The following MECOM variants were observed in gnomAD, a reference collection of about 807,000 sequenced individuals.
The protein encoded by MECOM is histone-lysine N-methyltransferase MECOM.
Under a neutral mutation model 116.3 loss-of-function variants are expected in MECOM, and 13 were observed. The observed-to-expected ratio is 0.11, with a 90% CI of 0.07 to 0.18. The LOEUF (loss-of-function observed/expected upper bound fraction) is 0.18, where lower values mean the gene tolerates loss of function less well. Ranked by LOEUF, MECOM falls within the 10% of genes least tolerant of loss-of-function variation. MECOM has a pLI of 1.00. For synonymous variants in MECOM, 528 were observed against 535.2 expected, an observed-to-expected ratio of 0.99 and a Z score of 0.19; for missense variants, 1,299 against 1,509.0, an observed-to-expected ratio of 0.86 and a Z score of 2.31.
At chr3:169,573,553 T>C (rs1764162972) in intron 1 of MECOM, among the ~76,000 whole-genome samples, 1 of 152,252 alleles carries the variant, frequency 6.6e-6, no homozygotes, top group South Asian at 2.1e-4. Context: ...TTTTTTCTTT[T>C]CCTTGTAGCC....
intron 1 of MECOM, among the ~76,000 whole-genome samples, chr3:169,565,575 A>G (rs1763139933): frequency 6.6e-6 from 1 of 152,170 alleles, no homozygotes; most frequent in African/African-American, 2.4e-5. Context: ...CTGCCCAGCC[A>G]TGGCTTCCAT....
intron 12 of MECOM, among the ~76,000 whole-genome samples, chr3:169,095,495 G>C (rs1254224675): frequency 1.3e-5 from 2 of 152,028 alleles, no homozygotes; most frequent in African/African-American, 2.4e-5. Context: ...TCATTAATCA[G>C]TACCAATATT....
intron 2 of MECOM, among the ~76,000 whole-genome samples, chr3:169,242,901 A>G (rs528480622): frequency 2.1e-5 from 3 of 145,594 alleles, no homozygotes; most frequent in East Asian, 4.0e-4. Flanking sequence ...TTTGCCCCCT[A>G]TAATAATCCC....
At chr3:169,274,900 A>C (rs1044622424) in intron 2 of MECOM, among the ~76,000 whole-genome samples, 1 of 152,200 alleles carries the variant, frequency 6.6e-6, no homozygotes, top group Non-Finnish European at 1.5e-5. Flanking sequence ...GATATAAAAT[A>C]TAAACTAAAA....
chr3:169,147,787 T>C, intron 2 of MECOM: 1 of 721,482 alleles, frequency 1.4e-6, no homozygotes, highest in Non-Finnish European at 1.6e-6. Flanking sequence ...AGATGGGGGA[T>C]GGGAGGGATG....
intron 2 of MECOM, among the ~76,000 whole-genome samples, chr3:169,160,023 T>C (rs544973693): frequency 2.0e-5 from 3 of 152,350 alleles, no homozygotes; most frequent in African/African-American, 7.2e-5. Flanking sequence ...GTACTTCCTA[T>C]GCAAATGCCC....
intron 2 of MECOM, among the ~76,000 whole-genome samples, chr3:169,293,342 T>C (rs1047571678): frequency 6.6e-6 from 1 of 152,218 alleles, no homozygotes; most frequent in Middle Eastern, 3.2e-3. Flanking sequence ...ACCATGGCCT[T>C]TGAGGCCCTT....
At position 169,607,118 on chromosome 3, in the gene MECOM, G is replaced by A. The variant is rs182503809; in HGVS notation, c.37+56218C>T. On this transcript the variant is annotated intron_variant, in intron 1 of 16. Transcript: ENST00000651503. ...AAGTTTTAATTTTTTAGATACTTACGGAGGCAATATAATATCTTTATAAAT... is the reference window on the plus strand; with the variant it reads ...AAGTTTTAATTTTTTAGATACTTACAGAGGCAATATAATATCTTTATAAAT... Among the ~76,000 whole-genome samples the A allele has an allele frequency of 9.9e-5, 15 of 152,244 alleles. No individual in the cohort carries two copies. In the East Asian group the frequency reaches 1.5e-3, roughly 16 times the overall value.
At chr3:169,594,967 G>C (rs4955571) in intron 1 of MECOM, among the ~76,000 whole-genome samples, 107,056 of 151,012 alleles carry the variant, frequency 0.71, 38,121 homozygotes, top group East Asian at 0.83. Context: ...AGTGAGAACT[G>C]TTTCTTTTAA....
In MECOM at chr3:169,249,928, T is replaced by TA. The variant is rs1324095287; in HGVS notation, c.376-106097dup. 3.9e-5 allele frequency among the ~76,000 whole-genome samples: 6 copies of TA among 152,350 alleles called. No individual in the cohort carries two copies. The East Asian group carries it at 1.2e-3, about 29-fold the overall frequency. On this transcript the variant is annotated intron_variant, in intron 2 of 16. Transcript: ENST00000651503. Reference sequence around the variant, plus strand: ...GCAGAAGCTGTTTCAGAATCTTTTTTAAATACAAGGAAACGTTGTGAGCAG... The same window carrying TA: ...GCAGAAGCTGTTTCAGAATCTTTTTTAAAATACAAGGAAACGTTGTGAGCAG...
At chr3:169,445,453 A>C (rs760770438) in intron 1 of MECOM, among the ~76,000 whole-genome samples, 128 of 152,344 alleles carry the variant, frequency 8.4e-4, no homozygotes, top group Admixed American at 1.2e-3. Flanking sequence ...AGTACACAGA[A>C]GTTACGAATT....
At chr3:169,486,014 ATATG>A (rs1189880394) in intron 1 of MECOM, among the ~76,000 whole-genome samples, 2 of 127,950 alleles carry the variant, frequency 1.6e-5, no homozygotes, top group African/African-American at 6.3e-5. Flanking sequence ...TACTATATAT[ATATG>A]TATATATAGT....
chr3:169,515,992 C>T (rs1050449264), intron 1 of MECOM, among the ~76,000 whole-genome samples: 1 of 152,166 alleles, frequency 6.6e-6, no homozygotes, highest in Non-Finnish European at 1.5e-5. Flanking sequence ...TAACTTCCTT[C>T]TTCCCAAAAT....
intron 1 of MECOM, among the ~76,000 whole-genome samples, chr3:169,415,377 A>G (rs1022004235): frequency 1.3e-5 from 2 of 152,228 alleles, no homozygotes; most frequent in Non-Finnish European, 2.9e-5. Context: ...AGCGCTCCTG[A>G]AGGAAGCACT....
intron 1 of MECOM, among the ~76,000 whole-genome samples, chr3:169,641,366 C>T (rs931904683): frequency 2.6e-5 from 4 of 152,282 alleles, no homozygotes; most frequent in South Asian, 2.1e-4. Context: ...GGTAGGTCAG[C>T]GCTTCTGTGA....
At chr3:169,195,706 C>T (rs551529280) in intron 2 of MECOM, among the ~76,000 whole-genome samples, 2 of 152,014 alleles carry the variant, frequency 1.3e-5, no homozygotes, top group Admixed American at 1.3e-4. Flanking sequence ...GAGGTAAAAG[C>T]TAAAGATGCA....
At chr3:169,645,653 T>C (rs556145518) in intron 1 of MECOM, among the ~76,000 whole-genome samples, 1 of 152,322 alleles carries the variant, frequency 6.6e-6, no homozygotes, top group African/African-American at 2.4e-5. Flanking sequence ...CTATTGCGGC[T>C]ACAAAGGCCA....
At chr3:169,456,789 G>A (rs994698054) in intron 1 of MECOM, among the ~76,000 whole-genome samples, 1 of 152,098 alleles carries the variant, frequency 6.6e-6, no homozygotes, top group Non-Finnish European at 1.5e-5. Flanking sequence ...ATAATACTAC[G>A]CACTGAAAGT....
chr3:169,196,052 C>A (rs1353898605), intron 2 of MECOM, among the ~76,000 whole-genome samples: 1 of 151,990 alleles, frequency 6.6e-6, no homozygotes, highest in Non-Finnish European at 1.5e-5. Flanking sequence ...TGGAAGAGAG[C>A]TTTTTATGTT....
Sources: gnomAD v4.1 joint callset for allele counts (sites outside exome capture counted in the v4.1 genomes callset) on GRCh38, gnomAD v4.1.1 for gene constraint, MANE v1.5 for transcripts, NCBI Gene and HGNC (gene_info 2026-07-23, HGNC 2026-07-21) for gene names.